Variants in TXLNB observed in about 807,000 individuals in gnomAD.
TXLNB encodes beta-taxilin.
Under a neutral mutation model 57.4 loss-of-function variants are expected in TXLNB, and 37 were observed. That is an observed-to-expected ratio of 0.64 (90% CI 0.50 to 0.85). The LOEUF (loss-of-function observed/expected upper bound fraction) is 0.85, where lower values mean the gene tolerates loss of function less well. Ranked by LOEUF, TXLNB falls within the 40% of genes least tolerant of loss-of-function variation. The pLI, the probability that TXLNB is intolerant of heterozygous loss-of-function variation, is 0.00. For missense variants in TXLNB, 848 were observed against 825.6 expected, an observed-to-expected ratio of 1.03 and a Z score of -0.33; for synonymous variants, 302 against 309.6, an observed-to-expected ratio of 0.98 and a Z score of 0.26.
In TXLNB at chr6:139,242,405, T is replaced by C. The variant is rs1775955115; in HGVS notation, c.*121A>G. 2.6e-6 allele frequency: 2 copies of C among 768,802 alleles called. No homozygotes were observed. The highest frequency in any genetic ancestry group is 1.8e-5 in the African/African-American group (1 of 55,516). The allele number at this position is 768,802 out of a possible 1,614,324, so 47.6% of individuals were successfully genotyped here. A position where few individuals can be genotyped will look rare whatever the true frequency, so the allele number is the denominator to read the frequency against. ...ATGTGTTCTGCCTAACATTAAAAAA[T>C]GTCTTGATCCTAAGTCTCTTCCATT... On this transcript the variant is annotated 3_prime_UTR_variant, in exon 10 of 10. Coordinates refer to ENST00000358430, the MANE Select transcript of TXLNB (RefSeq NM_153235.4).
the TXLNB span, among the ~76,000 whole-genome samples, chr6:139,208,147 T>C: frequency 6.6e-6 from 1 of 152,140 alleles, no homozygotes; most frequent in East Asian, 1.9e-4. Flanking sequence ...CAAAAGATCA[T>C]TCAAGACTAC....
chr6:139,192,911 C>T, the TXLNB span, among the ~76,000 whole-genome samples: 5 of 151,452 alleles, frequency 3.3e-5, no homozygotes, highest in African/African-American at 1.2e-4. Context: ...TGCAGTGAGC[C>T]GAGATTGTGC....
chr6:139,173,983 C>T, the TXLNB span, among the ~76,000 whole-genome samples: 1 of 152,098 alleles, frequency 6.6e-6, no homozygotes, highest in Non-Finnish European at 1.5e-5. Flanking sequence ...GAGCTTGTGA[C>T]AAGATCAGTG....
chr6:139,184,497 A>G, the TXLNB span, among the ~76,000 whole-genome samples: 1 of 152,198 alleles, frequency 6.6e-6, no homozygotes, highest in Non-Finnish European at 1.5e-5. Flanking sequence ...TTGTGTCTTC[A>G]CCTCATCTTT....
the TXLNB span, chr6:139,179,244 A>C: frequency 6.6e-6 from 1 of 152,282 alleles, no homozygotes; most frequent in East Asian, 1.9e-4. Flanking sequence ...TACCATTTGG[A>C]TTTTATTTCT....
the TXLNB span, chr6:139,178,054 G>A: frequency 6.6e-6 from 1 of 152,172 alleles, no homozygotes; most frequent in South Asian, 2.1e-4. Flanking sequence ...AATTAATTCT[G>A]AGTTTCCAAA....
At chr6:139,214,167 C>A in the TXLNB span, among the ~76,000 whole-genome samples, 1 of 152,130 alleles carries the variant, frequency 6.6e-6, no homozygotes, top group Admixed American at 6.5e-5. Context: ...CTGGCAGAGA[C>A]ACAACAAAAA....
intron 8 of TXLNB, among the ~76,000 whole-genome samples, chr6:139,247,370 G>C (rs1253135190): frequency 4.6e-5 from 7 of 151,642 alleles, no homozygotes. Context: ...TCGAACTCCT[G>C]ATCTTGTGAT....
chr6:139,314,641 T>A, the TXLNB span, among the ~76,000 whole-genome samples: 1 of 152,092 alleles, frequency 6.6e-6, no homozygotes, highest in Non-Finnish European at 1.5e-5. Context: ...TTGGAATAAA[T>A]CCCTTGAAAT....
rs759021009 is a variant in TXLNB at position 139,242,778 on chromosome 6, C to G, written c.1803G>C (p.Gln601His). 6.2e-7 allele frequency: 1 copy of G among 1,614,142 alleles called. No homozygotes were observed. Among genetic ancestry groups the G allele is most frequent in the East Asian group, 2.2e-5 (1 of 44,874 alleles). The change falls in exon 10 of 10, where the codon CAG (glutamine) becomes CAC (histidine). Residue 601 changes from glutamine to histidine, a missense_variant. Physicochemically the swap from Gln to His is conservative, Grantham distance 24. Transcript: ENST00000358430. ...EGLPVGAQAD[Q>H]ASWKPEAEAS... ...CTTCTGCCTCTGGCTTCCAGGACGC[C>G]TGATCAGCCTGTGCTCCAACAGGGA... is the stretch of plus-strand genomic sequence containing the variant.
intron 8 of TXLNB, among the ~76,000 whole-genome samples, chr6:139,247,538 T>C (rs1402668695): frequency 1.4e-4 from 20 of 147,356 alleles, no homozygotes; most frequent in Non-Finnish European, 2.2e-4. Context: ...TCTTCTTTTT[T>C]TTTTTTTTTT....
chr6:139,213,275 G>A, the TXLNB span, among the ~76,000 whole-genome samples: 1 of 152,116 alleles, frequency 6.6e-6, no homozygotes, highest in African/African-American at 2.4e-5. Context: ...ATAACAAACG[G>A]TCTCTCGGAC....
intron 7 of TXLNB, among the ~76,000 whole-genome samples, chr6:139,250,801 G>A (rs1338959668): frequency 6.6e-6 from 1 of 152,108 alleles, no homozygotes; most frequent in Non-Finnish European, 1.5e-5. Context: ...CAGCCTTGCT[G>A]GAATCAGCAA....
chr6:139,228,277 A>C, the TXLNB span, among the ~76,000 whole-genome samples: 1 of 152,146 alleles, frequency 6.6e-6, no homozygotes, highest in African/African-American at 2.4e-5. Flanking sequence ...GCACTTTGGG[A>C]GGCCGAGGCG....
At chr6:139,226,168 C>T in the TXLNB span, among the ~76,000 whole-genome samples, 1 of 151,562 alleles carries the variant, frequency 6.6e-6, no homozygotes, top group African/African-American at 2.4e-5. Flanking sequence ...GCTGGTGATG[C>T]GTGCCTGTAG....
At chr6:139,294,854 T>G (rs1228564502), upstream of TXLNB, among the ~76,000 whole-genome samples, 4 of 152,008 alleles carry the variant, frequency 2.6e-5, no homozygotes, top group African/African-American at 7.2e-5. Flanking sequence ...CTGGATGTGG[T>G]GGCGCATGCT....
At chr6:139,268,231 A>G (rs895892679) in intron 4 of TXLNB, among the ~76,000 whole-genome samples, 3 of 152,030 alleles carry the variant, frequency 2.0e-5, no homozygotes, top group Non-Finnish European at 4.4e-5. Context: ...GGACATAATA[A>G]TCATAAATGT....
At chr6:139,244,559 CAGAG>C in intron 9 of TXLNB, 32 bp downstream of exon 9, 2 of 1,342,892 alleles carry the variant, frequency 1.5e-6, no homozygotes, top group Non-Finnish European at 2.1e-6. Flanking sequence ...TTTGACTAGA[CAGAG>C]GGGATTAAAG....
chr6:139,306,652 G>T, the TXLNB span, among the ~76,000 whole-genome samples: 1 of 152,192 alleles, frequency 6.6e-6, no homozygotes, highest in Non-Finnish European at 1.5e-5. Context: ...TTCCTCATAT[G>T]ATATAGTCTC....
Sources: gnomAD v4.1 joint callset for allele counts (sites outside exome capture counted in the v4.1 genomes callset) on GRCh38, gnomAD v4.1.1 for gene constraint, MANE v1.5 for transcripts, NCBI Gene and HGNC (gene_info 2026-07-23, HGNC 2026-07-21) for gene names.